ACSS3: variants seen among roughly 807,000 people sequenced by gnomAD.
ACSS3 encodes the protein acyl-CoA synthetase short chain family member 3.
A neutral mutation model predicts 84.2 loss-of-function variants in ACSS3; 64 were observed. The observed-to-expected ratio is 0.76, with a 90% confidence interval of 0.62 to 0.94. The LOEUF (loss-of-function observed/expected upper bound fraction) is 0.94. ACSS3 is among the 40% of genes least tolerant of loss of function. The pLI is 0.00. For missense variants in ACSS3, 815 were observed against 867.6 expected, an observed-to-expected ratio of 0.94 and a Z score of 0.76; for synonymous variants, 317 against 310.1, an observed-to-expected ratio of 1.02 and a Z score of -0.23.
At chr12:81,167,812 A>G (rs529484306) in intron 7 of ACSS3, among the ~76,000 whole-genome samples, 34 of 152,304 alleles carry the variant, frequency 2.2e-4, no homozygotes, top group African/African-American at 7.5e-4. Context: ...TAATAGATTT[A>G]TAGATATTTG....
At position 81,256,452 on chromosome 12, in the gene ACSS3, GATTTA is replaced by G. The variant is rs1294595253; in HGVS notation, c.*1531_*1535del. On this transcript the variant is annotated 3_prime_UTR_variant, in exon 16 of 16. Transcript: ENST00000548058. ...GACAGATGTAGGAAATTAAATATTT[GATTTA>G]CTTAGGGATCTATATGACATCAGTT... is the stretch of plus-strand genomic sequence containing the variant. 2.0e-5 allele frequency: 3 copies of G among 152,054 alleles called. No individual in the cohort carries two copies. Among genetic ancestry groups the G allele is most frequent in the African/African-American group, 7.2e-5 (3 of 41,416 alleles). The allele number at this position is 152,054 out of a possible 1,614,324, so 9.4% of individuals were successfully genotyped here. A position where few individuals can be genotyped will look rare whatever the true frequency, so the allele number is the denominator to read the frequency against.
intron 2 of ACSS3, among the ~76,000 whole-genome samples, chr12:81,130,688 A>G (rs2701785): frequency 0.94 from 142,634 of 152,136 alleles, 67,373 homozygotes; most frequent in Non-Finnish European, 1. Context: ...TGTTTTAGTC[A>G]TGAAGTCCTT....
rs530683417 is a variant in ACSS3 at position 81,259,815 on chromosome 12, T to C, written c.*4893T>C. ...ATCTAGGATGTAGCCAACAGCCGTA[T>C]GTAATTAACATTTGCTTTTCTCCAA... On this transcript the variant is annotated 3_prime_UTR_variant, in exon 16 of 16. Transcript: ENST00000548058. The C allele has an allele frequency of 2.0e-3, 1,019 of 501,996 alleles. 2 individuals carry two copies. The highest frequency in any genetic ancestry group is 8.0e-3 in the Admixed American group (210 of 26,232). 31.1% of individuals were successfully genotyped at this position (501,996 alleles called of 1,614,324 possible). A position where few individuals can be genotyped will look rare whatever the true frequency, so the allele number is the denominator to read the frequency against.
At chr12:81,219,975 A>T in intron 10 of ACSS3, 38 bp from the exon 11 acceptor site, 1 of 1,323,382 alleles carries the variant, frequency 7.6e-7, no homozygotes, top group Non-Finnish European at 1.0e-6. Context: ...CTTTAAGATT[A>T]TGAATTTTTA....
intron 1 of ACSS3, 107 bp from the exon 2 acceptor site, chr12:81,109,453 A>G (rs1883382254): frequency 2.3e-6 from 3 of 1,281,530 alleles, no homozygotes; most frequent in Non-Finnish European, 3.2e-6. Flanking sequence ...GCACTAGGAA[A>G]CATTGTTTTA....
chr12:81,142,995 A>G, intron 4 of ACSS3, 112 bp from the exon 5 acceptor site: 1 of 932,368 alleles, frequency 1.1e-6, no homozygotes, highest in Non-Finnish European at 1.5e-6. Context: ...TCAGTGCCAT[A>G]TAGGCCTAGA....
intron 2 of ACSS3, among the ~76,000 whole-genome samples, chr12:81,121,695 A>G (rs759561370): frequency 1.4e-4 from 21 of 152,024 alleles, no homozygotes; most frequent in Middle Eastern, 3.2e-3. Context: ...TGAATGACTG[A>G]TTGTAAAGTG....
At chr12:81,226,639 T>C (rs148647334) in intron 11 of ACSS3, among the ~76,000 whole-genome samples, 2 of 152,032 alleles carry the variant, frequency 1.3e-5, no homozygotes, top group Non-Finnish European at 2.9e-5. Context: ...CTGAAAATAC[T>C]GCTTTTACTA....
chr12:81,092,020 C>G (rs1344128350), intron 1 of ACSS3, among the ~76,000 whole-genome samples: 1 of 152,002 alleles, frequency 6.6e-6, no homozygotes, highest in East Asian at 1.9e-4. Flanking sequence ...CGTTTCCTCC[C>G]CAATTAATCC....
At chr12:81,214,695 A>G (rs2032835348) in intron 9 of ACSS3, among the ~76,000 whole-genome samples, 1 of 152,088 alleles carries the variant, frequency 6.6e-6, no homozygotes, top group African/African-American at 2.4e-5. Flanking sequence ...ACTAGGTTAT[A>G]CTCTCACCTT....
intron 3 of ACSS3, 67 bp downstream of exon 3, chr12:81,135,071 G>T (rs1287981223): frequency 3.0e-6 from 4 of 1,322,552 alleles, no homozygotes; most frequent in African/African-American, 1.5e-5. Flanking sequence ...ATCTGTGGAT[G>T]AATCATCTGA....
At chr12:81,224,579 T>C (rs200294012) in intron 11 of ACSS3, among the ~76,000 whole-genome samples, 24,133 of 146,586 alleles carry the variant, frequency 0.16, 2,124 homozygotes, top group East Asian at 0.21. Context: ...CACACATGTG[T>C]GTGTGTGTGT....
intron 15 of ACSS3, 21 bp from the exon 16 acceptor site, chr12:81,254,836 T>G (rs774830909): frequency 6.3e-7 from 1 of 1,592,354 alleles, no homozygotes; most frequent in East Asian, 2.2e-5. Flanking sequence ...AGTATTCACC[T>G]GACCCTAATT....
intron 1 of ACSS3, among the ~76,000 whole-genome samples, chr12:81,095,885 G>C (rs1214775611): frequency 6.6e-6 from 1 of 152,172 alleles, no homozygotes; most frequent in East Asian, 1.9e-4. Context: ...CTTTACATCA[G>C]GTTTCTCTGT....
At chr12:81,244,417 T>C (rs189891735) in intron 13 of ACSS3, among the ~76,000 whole-genome samples, 1 of 152,246 alleles carries the variant, frequency 6.6e-6, no homozygotes, top group East Asian at 1.9e-4. Context: ...CAGCATTAAT[T>C]TGGGGGAAAC....
At chr12:81,173,950 T>G (rs1372885707) in intron 7 of ACSS3, among the ~76,000 whole-genome samples, 1 of 152,100 alleles carries the variant, frequency 6.6e-6, no homozygotes, top group Non-Finnish European at 1.5e-5. Context: ...TGGATATATA[T>G]ATATATATCC....
At chr12:81,109,125 A>T (rs1425335048) in intron 1 of ACSS3, among the ~76,000 whole-genome samples, 1 of 151,102 alleles carries the variant, frequency 6.6e-6, no homozygotes, top group Non-Finnish European at 1.5e-5. Flanking sequence ...GCAGAATAGA[A>T]TTTTTCGGTA....
chr12:81,182,001 A>C (rs1311258057), intron 8 of ACSS3, among the ~76,000 whole-genome samples: 1 of 152,178 alleles, frequency 6.6e-6, no homozygotes. Flanking sequence ...TAATGAAATA[A>C]ATTATGAAAA....
chr12:81,102,069 A>G (rs1329833742), intron 1 of ACSS3, among the ~76,000 whole-genome samples: 1 of 147,674 alleles, frequency 6.8e-6, no homozygotes, highest in Non-Finnish European at 1.5e-5. Flanking sequence ...ACACACACAC[A>G]TATTCTAGCA....
Sources: allele counts gnomAD v4.1 joint callset (sites outside exome capture counted in the v4.1 genomes callset), GRCh38; gene constraint gnomAD v4.1.1; transcripts MANE v1.5; gene names NCBI Gene and HGNC (gene_info 2026-07-23, HGNC 2026-07-21).